MAGI1: variants seen among roughly 807,000 people sequenced by gnomAD.
The protein encoded by MAGI1 is membrane-associated guanylate kinase, WW and PDZ domain-containing protein 1.
Under a neutral mutation model 139.9 loss-of-function variants are expected in MAGI1, and 58 were observed. That is an observed-to-expected ratio of 0.41 (90% confidence interval 0.34 to 0.52). The LOEUF is 0.52. Ranked by LOEUF, MAGI1 falls within the 20% of genes least tolerant of loss-of-function variation. The pLI is 0.12. For missense variants in MAGI1, 1,874 were observed against 1,901.6 expected, an observed-to-expected ratio of 0.99 and a Z score of 0.27; for synonymous variants, 812 against 737.9, an observed-to-expected ratio of 1.10 and a Z score of -1.63.
intron 1 of MAGI1, among the ~76,000 whole-genome samples, chr3:65,698,071 T>A (rs2089341117): frequency 9.9e-6 from 1 of 101,520 alleles, no homozygotes; most frequent in East Asian, 3.0e-4. Context: ...AGCATTCTTA[T>A]ACACCAATAA....
chr3:65,355,694 C>G lies in MAGI1; in HGVS notation c.*684G>C, dbSNP rs778070911. The G allele has an allele frequency of 3.3e-5, 5 of 152,640 alleles. No individual in the cohort carries two copies. Among genetic ancestry groups the G allele is most frequent in the Non-Finnish European group, 7.3e-5 (5 of 68,048 alleles). 9.5% of individuals were successfully genotyped at this position (152,640 alleles called of 1,614,324 possible). A position where few individuals can be genotyped will look rare whatever the true frequency, so the allele number is the denominator to read the frequency against. On this transcript the variant is annotated 3_prime_UTR_variant, in exon 23 of 23. Coordinates refer to ENST00000402939, the MANE Select transcript of MAGI1 (RefSeq NM_001033057.2). ...GAGTAAAAGTGGCCGACATTTTTGT[C>G]TGTGTGCCTTCCTGGGCCAGGGAGA...
intron 1 of MAGI1, among the ~76,000 whole-genome samples, chr3:66,024,396 A>G (rs1018720519): frequency 1.3e-5 from 2 of 151,550 alleles, no homozygotes; most frequent in South Asian, 2.1e-4. Flanking sequence ...ACACCGGGCC[A>G]ATGTTCCTAC....
chr3:65,576,190 G>A (rs2108095139), intron 2 of MAGI1, among the ~76,000 whole-genome samples: 1 of 152,214 alleles, frequency 6.6e-6, no homozygotes, highest in East Asian at 1.9e-4. Flanking sequence ...AGCATTTTTA[G>A]CGGTTTTCTG....
intron 4 of MAGI1, among the ~76,000 whole-genome samples, chr3:65,473,943 G>C (rs1448916663): frequency 6.6e-6 from 1 of 152,168 alleles, no homozygotes; most frequent in Non-Finnish European, 1.5e-5. Flanking sequence ...CTTAGTCATG[G>C]TTTTGACTCT....
intron 1 of MAGI1, among the ~76,000 whole-genome samples, chr3:65,831,043 C>T (rs1463566669): frequency 6.6e-6 from 1 of 152,102 alleles, no homozygotes. Flanking sequence ...TGATATTCCC[C>T]TTTATTTGTG....
At chr3:65,912,281 G>A (rs943118474) in intron 1 of MAGI1, among the ~76,000 whole-genome samples, 2 of 148,406 alleles carry the variant, frequency 1.3e-5, no homozygotes, top group Non-Finnish European at 3.0e-5. Flanking sequence ...CATACACATC[G>A]TGTTCTCGCA....
At chr3:65,373,534 C>T (rs1942201565) in intron 18 of MAGI1, among the ~76,000 whole-genome samples, 2 of 152,156 alleles carry the variant, frequency 1.3e-5, no homozygotes, top group African/African-American at 2.4e-5. Context: ...CAGACTTGCT[C>T]GAAGCAGGGT....
chr3:65,640,041 T>A (rs1559746015), intron 1 of MAGI1, among the ~76,000 whole-genome samples: 1 of 133,846 alleles, frequency 7.5e-6, no homozygotes. Context: ...TGGGAATCAG[T>A]TTTTCCTGTG....
intron 2 of MAGI1, among the ~76,000 whole-genome samples, chr3:65,618,897 G>A (rs938985616): frequency 1.2e-4 from 18 of 152,140 alleles, no homozygotes; most frequent in Non-Finnish European, 2.2e-4. Context: ...CTTCACAACA[G>A]GCCCCTGAAC....
At chr3:65,798,937 C>T (rs1321362756) in intron 1 of MAGI1, among the ~76,000 whole-genome samples, 1 of 152,108 alleles carries the variant, frequency 6.6e-6, no homozygotes, top group Non-Finnish European at 1.5e-5. Context: ...ATATCGGCCA[C>T]CTCAGTGAGC....
At chr3:65,717,076 T>C (rs1576861468) in intron 1 of MAGI1, among the ~76,000 whole-genome samples, 1 of 152,212 alleles carries the variant, frequency 6.6e-6, no homozygotes, top group South Asian at 2.1e-4. Flanking sequence ...CTGGATTATC[T>C]GGATGGGCAA....
intron 1 of MAGI1, among the ~76,000 whole-genome samples, chr3:65,867,934 G>C (rs562392185): frequency 6.6e-6 from 1 of 152,236 alleles, no homozygotes; most frequent in African/African-American, 2.4e-5. Flanking sequence ...GGAACAGATG[G>C]CAGTCCCAAA....
intron 3 of MAGI1, among the ~76,000 whole-genome samples, chr3:65,492,086 C>T (rs1193135463): frequency 6.6e-6 from 1 of 152,120 alleles, no homozygotes; most frequent in Non-Finnish European, 1.5e-5. Flanking sequence ...TGTATTTACC[C>T]TTTATGTTTA....
At chr3:65,752,906 C>G (rs905088248) in intron 1 of MAGI1, among the ~76,000 whole-genome samples, 2 of 152,294 alleles carry the variant, frequency 1.3e-5, no homozygotes, top group Middle Eastern at 3.4e-3. Flanking sequence ...CCACTGACCT[C>G]CCCTCACACC....
rs146238634 is a variant in MAGI1, at chr3:65,449,235, G to T, written c.1043-1178C>A. 1.1e-4 allele frequency among the ~76,000 whole-genome samples: 16 copies of T among 152,136 alleles called. No homozygotes were observed. The East Asian group carries it at 2.9e-3, about 28-fold the overall frequency. ...ACATGTATACATATGTAACAAACCTGCACGTTGTGCATATATACCCTAGAA... is the reference window on the plus strand; with the variant it reads ...ACATGTATACATATGTAACAAACCTTCACGTTGTGCATATATACCCTAGAA... On this transcript the variant is annotated intron_variant, in intron 6 of 22. Transcript: ENST00000402939.
chr3:65,951,173 A>T (rs1183420739), intron 1 of MAGI1, among the ~76,000 whole-genome samples: 1 of 152,228 alleles, frequency 6.6e-6, no homozygotes, highest in Non-Finnish European at 1.5e-5. Context: ...CATCCATTCA[A>T]TCACTGTTTT....
At chr3:65,706,753 G>A (rs2030371116) in intron 1 of MAGI1, among the ~76,000 whole-genome samples, 1 of 152,138 alleles carries the variant, frequency 6.6e-6, no homozygotes, top group African/African-American at 2.4e-5. Flanking sequence ...ACAGCGTAAT[G>A]GATGGGTGGG....
At chr3:65,530,112 A>T (rs373881255) in intron 2 of MAGI1, among the ~76,000 whole-genome samples, 90 of 152,332 alleles carry the variant, frequency 5.9e-4, no homozygotes, top group African/African-American at 2.0e-3. Context: ...CCTTGCATAT[A>T]GCACAAATAC....
intron 1 of MAGI1, among the ~76,000 whole-genome samples, chr3:65,657,851 A>G (rs1043961509): frequency 6.6e-6 from 1 of 152,182 alleles, no homozygotes; most frequent in Non-Finnish European, 1.5e-5. Flanking sequence ...GCTACTGAAT[A>G]GCCAGATGAT....
Sources: allele counts gnomAD v4.1 joint callset (sites outside exome capture counted in the v4.1 genomes callset), GRCh38; gene constraint gnomAD v4.1.1; transcripts MANE v1.5; gene names NCBI Gene and HGNC (gene_info 2026-07-23, HGNC 2026-07-21).